CSMD3: variants seen among roughly 807,000 people sequenced by gnomAD.
The protein encoded by CSMD3 is CUB and Sushi multiple domains 3.
Under a neutral mutation model 435.2 loss-of-function variants are expected in CSMD3, and 177 were observed. That is an observed-to-expected ratio of 0.41 (90% confidence interval 0.36 to 0.46). The LOEUF (loss-of-function observed/expected upper bound fraction) is 0.46, where lower values mean the gene tolerates loss of function less well. CSMD3 is among the 20% of genes least tolerant of loss of function. The pLI, the probability that CSMD3 is intolerant of heterozygous loss-of-function variation, is 0.34. For synonymous variants in CSMD3, 1,656 were observed against 1,520.5 expected, an observed-to-expected ratio of 1.09 and a Z score of -2.07; for missense variants, 4,265 against 4,504.6, an observed-to-expected ratio of 0.95 and a Z score of 1.52.
At chr8:112,541,614 T>C (rs1008125895) in intron 27 of CSMD3, among the ~76,000 whole-genome samples, 1 of 151,754 alleles carries the variant, frequency 6.6e-6, no homozygotes, top group African/African-American at 2.4e-5. Flanking sequence ...TATTTTAAAA[T>C]CTCCCAACAA....
At chr8:112,565,976 C>A (rs1829029866) in intron 24 of CSMD3, among the ~76,000 whole-genome samples, 1 of 150,312 alleles carries the variant, frequency 6.7e-6, no homozygotes, top group South Asian at 2.1e-4. Context: ...AATTCAGATT[C>A]TCAAAAATAA....
chr8:112,343,003 A>ATATATATATATT (rs1563815628), intron 41 of CSMD3, among the ~76,000 whole-genome samples: 5 of 120,896 alleles, frequency 4.1e-5, no homozygotes, highest in African/African-American at 5.9e-5. Context: ...ATATATATTT[A>ATATATATATATT]TATATATATA....
At chr8:113,013,479 C>T (rs887859466) in intron 6 of CSMD3, among the ~76,000 whole-genome samples, 2 of 151,870 alleles carry the variant, frequency 1.3e-5, no homozygotes, top group East Asian at 1.9e-4. Context: ...TGAGATCGGG[C>T]GAGTTAAGGG....
At chr8:112,755,348 A>ATAG (rs1220374958) in intron 13 of CSMD3, among the ~76,000 whole-genome samples, 3 of 131,924 alleles carry the variant, frequency 2.3e-5, no homozygotes, top group Admixed American at 7.6e-5. Context: ...AATAATAATA[A>ATAG]TAATAATAAT....
chr8:113,343,365 T>C lies in CSMD3; in HGVS notation c.179-28572A>G, dbSNP rs574706326. Among the ~76,000 whole-genome samples, 4 of 152,214 alleles carry C rather than the reference T, an allele frequency of 2.6e-5. No homozygotes were observed. In the South Asian group the frequency reaches 8.3e-4, roughly 32 times the overall value. ...TTGGGAGATGGACTTTATATCAGAT[T>C]GGAGACTAGGAAAACAAAAGAATAG... is the stretch of plus-strand genomic sequence containing the variant. On this transcript the variant is annotated intron_variant, in intron 1 of 70. Transcript: ENST00000297405.
chr8:113,282,387 A>G (rs1275976612), intron 2 of CSMD3, among the ~76,000 whole-genome samples: 1 of 151,972 alleles, frequency 6.6e-6, no homozygotes, highest in Non-Finnish European at 1.5e-5. Context: ...GTTTCCATAT[A>G]CAAGATCCAA....
intron 27 of CSMD3, among the ~76,000 whole-genome samples, chr8:112,543,147 C>T (rs949714329): frequency 6.6e-6 from 1 of 151,894 alleles, no homozygotes; most frequent in Admixed American, 6.6e-5. Context: ...GTAAAACTTC[C>T]AGAAGGAAAT....
intron 7 of CSMD3, among the ~76,000 whole-genome samples, chr8:112,963,212 C>A (rs1164157213): frequency 6.6e-6 from 1 of 151,956 alleles, no homozygotes; most frequent in Non-Finnish European, 1.5e-5. Context: ...TCCAACATCT[C>A]ACTTTCTTCC....
intron 9 of CSMD3, among the ~76,000 whole-genome samples, chr8:112,924,174 A>G (rs990700948): frequency 6.6e-6 from 1 of 152,150 alleles, no homozygotes; most frequent in Non-Finnish European, 1.5e-5. Flanking sequence ...AGTGAATACT[A>G]TGCTTTAAAA....
At chr8:112,598,168 A>C (rs1478856288) in intron 22 of CSMD3, among the ~76,000 whole-genome samples, 1 of 138,394 alleles carries the variant, frequency 7.2e-6, no homozygotes, top group African/African-American at 2.8e-5. Flanking sequence ...ACTTCAGCAA[A>C]GTCTCAGGAT....
At chr8:112,479,780 G>A (rs187231338) in intron 31 of CSMD3, among the ~76,000 whole-genome samples, 5 of 152,320 alleles carry the variant, frequency 3.3e-5, no homozygotes, top group East Asian at 3.9e-4. Context: ...AGAAAATCCC[G>A]GGTGCCCAGG....
intron 38 of CSMD3, among the ~76,000 whole-genome samples, chr8:112,360,077 C>G (rs1377375418): frequency 6.6e-6 from 1 of 152,006 alleles, no homozygotes; most frequent in Admixed American, 6.6e-5. Context: ...AAATAGTGAA[C>G]TATGATATAA....
intron 9 of CSMD3, among the ~76,000 whole-genome samples, chr8:112,926,786 T>TA (rs946200454): frequency 1.3e-4 from 20 of 150,570 alleles, no homozygotes; most frequent in African/African-American, 4.4e-4. Flanking sequence ...GAAGAGGATC[T>TA]AAAAAAAAAG....
At chr8:112,417,227 T>C (rs1188867357) in intron 32 of CSMD3, among the ~76,000 whole-genome samples, 1 of 152,152 alleles carries the variant, frequency 6.6e-6, no homozygotes, top group Admixed American at 6.5e-5. Flanking sequence ...TTTCATAAAA[T>C]TGCTTAATAA....
Position 112,286,062 on chromosome 8 carries a change from T to C in CSMD3, c.9331+1002A>G, listed in dbSNP as rs572029775. ...TATGTTAACTCTGAGTCAGAACAAT[T>C]AAAATTTTACTCAAACACCCTAGAT... On this transcript the variant is annotated intron_variant, in intron 58 of 70. Coordinates refer to ENST00000297405, the MANE Select transcript of CSMD3 (RefSeq NM_198123.2). 6.2e-4 allele frequency among the ~76,000 whole-genome samples: 94 copies of C among 152,246 alleles called. 1 individual carries two copies. The highest frequency in any genetic ancestry group is 2.1e-3 in the African/African-American group (87 of 41,560).
intron 23 of CSMD3, among the ~76,000 whole-genome samples, chr8:112,576,052 A>G: frequency 8.0e-6 from 1 of 124,854 alleles, no homozygotes; most frequent in Non-Finnish European, 1.9e-5. Context: ...TATAAATATA[A>G]ATAAAATACA....
chr8:113,194,647 C>T (rs367913134), intron 3 of CSMD3, among the ~76,000 whole-genome samples: 12 of 150,738 alleles, frequency 8.0e-5, no homozygotes, highest in African/African-American at 2.4e-4. Context: ...AGTGTGTAGG[C>T]GAAGGAGATG....
intron 10 of CSMD3, among the ~76,000 whole-genome samples, chr8:112,874,882 CTG>C (rs1430184360): frequency 7.9e-5 from 12 of 152,110 alleles, no homozygotes; most frequent in African/African-American, 2.7e-4. Flanking sequence ...ATCTGCCAGT[CTG>C]TGTCTTTTAA....
At chr8:113,024,846 C>T (rs2086814616) in intron 5 of CSMD3, among the ~76,000 whole-genome samples, 1 of 152,048 alleles carries the variant, frequency 6.6e-6, no homozygotes, top group South Asian at 2.1e-4. Context: ...TACATTGTAC[C>T]TATCAAGTAA....
Sources: gnomAD v4.1 joint callset for allele counts (sites outside exome capture counted in the v4.1 genomes callset) on GRCh38, gnomAD v4.1.1 for gene constraint, MANE v1.5 for transcripts, NCBI Gene and HGNC (gene_info 2026-07-23, HGNC 2026-07-21) for gene names.